Variants in ASPM observed in about 807,000 individuals in gnomAD.
ASPM encodes assembly factor for spindle microtubules, also known as abnormal spindle-like microcephaly-associated protein.
ASPM carries 256 observed loss-of-function variants against 366.4 expected under a neutral mutation model. The ratio of observed to expected loss-of-function variants is 0.70; its 90% CI spans 0.63 to 0.77. ASPM has a LOEUF of 0.77. Among genes scored for constraint, ASPM ranks in the 30% least tolerant of loss-of-function variants. The pLI, the probability that ASPM is intolerant of heterozygous loss-of-function variation, is 0.00. For missense variants in ASPM, 4,146 were observed against 4,090.4 expected (o/e 1.01, Z -0.37); for synonymous variants, 1,414 against 1,342.9 (o/e 1.05, Z -1.16).
intron 16 of ASPM, among the ~76,000 whole-genome samples, chr1:197,121,177 T>C (rs951060027): frequency 2.6e-5 from 4 of 152,106 alleles, no homozygotes; most frequent in Non-Finnish European, 5.9e-5. Flanking sequence ...TATTAGTTAG[T>C]AGATGGAATA....
In ASPM at chr1:197,139,746, TTAAGTA is replaced by T. The variant is rs755758403; in HGVS notation, c.2026+15_2026+20del. 92 of 1,503,836 alleles carry T rather than the reference TTAAGTA, an allele frequency of 6.1e-5. 1 individual carries two copies. In the East Asian group the frequency reaches 1.5e-3, roughly 24 times the overall value. The allele number at this position is 1,503,836 out of a possible 1,614,324, so 93.2% of individuals were successfully genotyped here. A position where few individuals can be genotyped will look rare whatever the true frequency, so the allele number is the denominator to read the frequency against. ...ATTCGATGTCATGTTTTCAGAGAGT[TTAAGTA>T]TAATAAATACTTGCCTGTTTTTAAT... is the stretch of plus-strand genomic sequence containing the variant. On this transcript the variant is annotated intron_variant, in intron 4 of 27. Transcript: ENST00000367409.
rs888177045 is a variant in ASPM, at chr1:197,100,281, C to G, written c.8820+150G>C. On this transcript the variant is annotated intron_variant, in intron 18 of 27. Transcript: ENST00000367409. The stretch of plus-strand genomic sequence containing the variant: ...GCTGACTTACTAGTGCCCTTTCCCT[C>G]TTTCAAAAATGTTCCACTTTGGAAG... 6.5e-6 allele frequency: 4 copies of G among 612,954 alleles called. No homozygotes were observed. In the African/African-American group the frequency reaches 7.5e-5, roughly 11 times the overall value. 38.0% of individuals were successfully genotyped at this position (612,954 alleles called of 1,614,324 possible).
chr1:197,102,418 A>G lies in ASPM; in HGVS notation c.6833T>C (p.Met2278Thr). Residue 2278 changes from methionine (M) to threonine (T), a missense_variant, in exon 18 of 28, where the codon ATG (methionine) becomes ACG (threonine). Transcript: ENST00000367409. ...CTTGAGAGAGAGGAATCTTCTTCTC[A>G]TCATTAGAGTTCTAAATCTCCTCTG... Reference protein sequence around the residue: ...LIQRRFRTLMMRRRFLSLKKT... With the variant: ...LIQRRFRTLMTRRRFLSLKKT... 6.2e-7 allele frequency: 1 copy of G among 1,612,680 alleles called. No homozygotes were observed. The highest frequency in any genetic ancestry group is 1.3e-5 in the African/African-American group (1 of 74,916).
intron 17 of ASPM, among the ~76,000 whole-genome samples, chr1:197,115,814 G>T (rs1042047573): frequency 6.6e-6 from 1 of 152,162 alleles, no homozygotes; most frequent in South Asian, 2.1e-4. Context: ...AGACTTTGTT[G>T]TTCCATTTAT....
In ASPM at chr1:197,103,802, C is replaced by T. The variant is rs1460259777; in HGVS notation, c.5449G>A (p.Val1817Ile). The T allele has an allele frequency of 6.2e-7, 1 of 1,612,982 alleles. No homozygotes were observed. Among genetic ancestry groups the T allele is most frequent in the Non-Finnish European group, 8.5e-7 (1 of 1,179,398 alleles). ...GATTGTTGTTTGATTAGCTGGCGTA[C>T]TTTATAACCTCTGTAAGCTGCTTGC... The part of the protein sequence containing the change: ...CLQAAYRGYK[V>I]RQLIKQQSIA... Residue 1817 changes from valine (V) to isoleucine (I), a missense_variant, in exon 18 of 28, where the codon GTA (valine) becomes ATA (isoleucine). Physicochemically the swap from Val to Ile is conservative, Grantham distance 29 (BLOSUM62 3). Around this residue, in one of 3 missense-constraint regions of ASPM, gnomAD observed 3,624 missense variants for 3,591.7 expected, o/e 1.01. Transcript: ENST00000367409.
chr1:197,128,107 T>C, intron 10 of ASPM, among the ~76,000 whole-genome samples: 1 of 151,194 alleles, frequency 6.6e-6, no homozygotes, highest in Non-Finnish European at 1.5e-5. Context: ...AGGCTTGCAG[T>C]GAGCCGAGAC....
chr1:197,098,190 T>TATATATATAA (rs1657041863), intron 18 of ASPM, among the ~76,000 whole-genome samples: 1 of 149,608 alleles, frequency 6.7e-6, no homozygotes, highest in Non-Finnish European at 1.5e-5. Context: ...GAAGTTGATA[T>TATATATATAA]ATATATATAT....
At position 197,101,667 on chromosome 1, in the gene ASPM, G is replaced by A; in HGVS notation, c.7584C>T (p.Ile2528=). The part of the protein sequence containing the change: ...RAAKLQRENY[I]RQWHSAVVIQ... Reference sequence around the variant, plus strand: ...TAACCACAGCAGAATGCCATTGTCTGATATAATTTTCTCTTTGTAATTTTG... The same window carrying A: ...TAACCACAGCAGAATGCCATTGTCTAATATAATTTTCTCTTTGTAATTTTG... The change falls in exon 18 of 28, where the codon ATC becomes ATT. Residue 2528 remains isoleucine, a synonymous_variant. Coordinates refer to ENST00000367409, the MANE Select transcript of ASPM (RefSeq NM_018136.5). 6.2e-7 allele frequency: 1 copy of A among 1,612,060 alleles called. No individual in the cohort carries two copies. Among genetic ancestry groups the A allele is most frequent in the South Asian group, 1.1e-5 (1 of 91,040 alleles).
intron 7 of ASPM, 129 bp from the exon 8 acceptor site, chr1:197,130,185 G>A: frequency 1.0e-6 from 1 of 953,928 alleles, no homozygotes; most frequent in Non-Finnish European, 1.6e-6. Flanking sequence ...ATGGTTATTT[G>A]CTAAATAACT....
chr1:197,135,947 T>C (rs767903607), intron 4 of ASPM, among the ~76,000 whole-genome samples: 6 of 152,130 alleles, frequency 3.9e-5, no homozygotes, highest in Non-Finnish European at 8.8e-5. Context: ...AACAGGACTC[T>C]GTCCCAAAAA....
intron 6 of ASPM, 94 bp downstream of exon 6, chr1:197,133,256 G>A (rs1658316944): frequency 7.4e-7 from 1 of 1,348,144 alleles, no homozygotes; most frequent in African/African-American, 1.5e-5. Flanking sequence ...AGTTTTACCT[G>A]TCAATTATAT....
intron 7 of ASPM, among the ~76,000 whole-genome samples, 168 bp from the exon 8 acceptor site, chr1:197,130,224 T>G (rs540057382): frequency 6.6e-6 from 1 of 152,362 alleles, no homozygotes; most frequent in South Asian, 2.1e-4. Flanking sequence ...ATGATTTATG[T>G]ATATCTTATT....
chr1:197,146,642 A>G lies in ASPM; in HGVS notation c.-205T>C. 1 of 624,064 alleles carries G rather than the reference A, an allele frequency of 1.6e-6. No individual in the cohort carries two copies. The highest frequency in any genetic ancestry group is 2.8e-6 in the Non-Finnish European group (1 of 359,450). 38.7% of individuals were successfully genotyped at this position (624,064 alleles called of 1,614,324 possible). A position where few individuals can be genotyped will look rare whatever the true frequency, so the allele number is the denominator to read the frequency against. On this transcript the variant is annotated 5_prime_UTR_variant, in exon 1 of 28. Transcript: ENST00000367409. ...AATAAACTCGCAAATTAAAAAGAGGAGCCAAACAAGTATGGCGTTTTGACT... is the reference window on the plus strand; with the variant it reads ...AATAAACTCGCAAATTAAAAAGAGGGGCCAAACAAGTATGGCGTTTTGACT...
intron 19 of ASPM, among the ~76,000 whole-genome samples, chr1:197,094,568 C>T (rs900594793): frequency 6.6e-6 from 1 of 151,540 alleles, no homozygotes; most frequent in Non-Finnish European, 1.5e-5. Context: ...TTTGAGCAGA[C>T]GGGAGGTGGT....
chr1:197,136,448 T>A (rs1009754874), intron 4 of ASPM, among the ~76,000 whole-genome samples: 18 of 152,180 alleles, frequency 1.2e-4, no homozygotes, highest in African/African-American at 4.3e-4. Flanking sequence ...ATAAATATGT[T>A]AGGTGGTGTA....
At position 197,102,439 on chromosome 1, in the gene ASPM, C is replaced by T. The variant is rs565102826; in HGVS notation, c.6812G>A (p.Arg2271Lys). 8.1e-6 allele frequency: 13 copies of T among 1,612,566 alleles called. No homozygotes were observed. The South Asian group carries it at 1.4e-4, about 18-fold the overall frequency. ...MMHIAATLIQ[R>K]RFRTLMMRRR... ...TCTCATCATTAGAGTTCTAAATCTC[C>T]TCTGAATGAGAGTTGCGGCTATATG... is the stretch of plus-strand genomic sequence containing the variant. Residue 2271 changes from arginine to lysine, a missense_variant, in exon 18 of 28, where the codon AGG (arginine) becomes AAG (lysine). By Grantham distance (26) the Arg-to-Lys change is conservative. Transcript: ENST00000367409.
Position 197,090,076 on chromosome 1 carries a change from T to C in ASPM, c.9838A>G (p.Thr3280Ala). The C allele has an allele frequency of 6.2e-7, 1 of 1,613,042 alleles. No individual in the cohort carries two copies. Among genetic ancestry groups the C allele is most frequent in the South Asian group, 1.1e-5 (1 of 91,038 alleles). ...TCACAACAAAGTGGAGACAATCTAG[T>C]AACTACCTCTGAAAGAAAAAAAAAA... ...LEALKHLEVV[T>A]RLSPLCCENM... The change falls in exon 25 of 28, where the codon ACT becomes GCT. Residue 3280 changes from threonine (T) to alanine (A), a missense_variant. Physicochemically the swap from Thr to Ala is moderately conservative, Grantham distance 58. This residue lies in a region of ASPM where 3,624 missense variants were observed against 3,591.7 expected (regional missense o/e 1.01). Transcript: ENST00000367409.
At position 197,102,610 on chromosome 1, in the gene ASPM, T is replaced by C. The variant is rs537476788; in HGVS notation, c.6641A>G (p.Lys2214Arg). The C allele has an allele frequency of 4.3e-6, 7 of 1,612,578 alleles. No homozygotes were observed. The African/African-American group carries it at 9.3e-5, about 22-fold the overall frequency. Residue 2214 changes from lysine (K) to arginine (R), a missense_variant, in exon 18 of 28, where the codon AAA becomes AGA. Coordinates refer to ENST00000367409, the MANE Select transcript of ASPM (RefSeq NM_018136.5). ...RQQTYFNKLK[K>R]ITKTVQQRYW... ...TCTTTGCTGTACTGTTTTTGTTATTTTCTTTAACTTATTAAAGTATGTTTG... is the reference window on the plus strand; with the variant it reads ...TCTTTGCTGTACTGTTTTTGTTATTCTCTTTAACTTATTAAAGTATGTTTG...
chr1:197,105,106 C>T lies in ASPM; in HGVS notation c.4145G>A (p.Arg1382Lys). The stretch of plus-strand genomic sequence containing the variant: ...ATAAGATGTAACAGCAATTATCATT[C>T]TTATCCTAGATTGCAGGATGATTGA... Reference protein sequence around the residue: ...YYSIILQSRIRMIIAVTSYKR... With the variant: ...YYSIILQSRIKMIIAVTSYKR... The change falls in exon 18 of 28, where the codon AGA becomes AAA. Residue 1382 changes from arginine (R) to lysine (K), a missense_variant. Physicochemically the swap from Arg to Lys is conservative, Grantham distance 26 (BLOSUM62 2). Transcript: ENST00000367409. 1 of 1,609,408 alleles carries T rather than the reference C, an allele frequency of 6.2e-7. No individual in the cohort carries two copies. The highest frequency in any genetic ancestry group is 8.5e-7 in the Non-Finnish European group (1 of 1,176,594).
Sources: gnomAD v4.1 joint callset for allele counts (sites outside exome capture counted in the v4.1 genomes callset) on GRCh38, gnomAD v4.1.1 for gene constraint, gnomAD v4.1.1 regional missense constraint, MANE v1.5 for transcripts, NCBI Gene and HGNC (gene_info 2026-07-23, HGNC 2026-07-21) for gene names.